TBC1D5: variants seen among roughly 807,000 people sequenced by gnomAD.
The protein encoded by TBC1D5 is TBC1 domain family, member 5.
In TBC1D5, 75 loss-of-function variants were observed where a neutral mutation model predicts 100.3. That is an observed-to-expected ratio of 0.75 (90% confidence interval 0.62 to 0.91). The LOEUF (loss-of-function observed/expected upper bound fraction) is 0.91, where lower values mean the gene tolerates loss of function less well. TBC1D5 is among the 40% of genes least tolerant of loss of function. The pLI is 0.00. For missense variants in TBC1D5, 910 were observed against 942.4 expected, an observed-to-expected ratio of 0.97 and a Z score of 0.45; for synonymous variants, 323 against 325.6, an observed-to-expected ratio of 0.99 and a Z score of 0.09.
intron 1 of TBC1D5, among the ~76,000 whole-genome samples, chr3:17,693,204 G>A (rs1280456262): frequency 1.3e-5 from 2 of 152,240 alleles, no homozygotes. Flanking sequence ...TCCAACTGAG[G>A]TACCTGGTTC....
intron 2 of TBC1D5, among the ~76,000 whole-genome samples, chr3:17,543,450 T>C (rs1375700921): frequency 6.6e-6 from 1 of 151,892 alleles, no homozygotes; most frequent in Non-Finnish European, 1.5e-5. Flanking sequence ...CTGGGTAACA[T>C]GGTGAGATCC....
At chr3:17,413,266 T>C (rs2093984611) in intron 4 of TBC1D5, among the ~76,000 whole-genome samples, 1 of 152,186 alleles carries the variant, frequency 6.6e-6, no homozygotes, top group Admixed American at 6.6e-5. Context: ...AGCACCATGC[T>C]GAGAAGGACT....
intron 2 of TBC1D5, among the ~76,000 whole-genome samples, chr3:17,528,791 T>A (rs1371957786): frequency 6.6e-6 from 1 of 152,200 alleles, no homozygotes; most frequent in Non-Finnish European, 1.5e-5. Flanking sequence ...TCCATTTTGA[T>A]AACAAAACAA....
At chr3:17,496,446 A>G (rs1576359616) in intron 3 of TBC1D5, among the ~76,000 whole-genome samples, 1 of 152,002 alleles carries the variant, frequency 6.6e-6, no homozygotes, top group African/African-American at 2.4e-5. Flanking sequence ...ATATACATAC[A>G]TGCACACACA....
chr3:17,452,010 C>A (rs2094939305), intron 3 of TBC1D5, among the ~76,000 whole-genome samples: 1 of 151,940 alleles, frequency 6.6e-6, no homozygotes, highest in East Asian at 1.9e-4. Context: ...CAATCAAACT[C>A]CAAAGGGTCA....
At chr3:17,722,613 CAG>C (rs1175506955) in intron 1 of TBC1D5, among the ~76,000 whole-genome samples, 1 of 152,236 alleles carries the variant, frequency 6.6e-6, no homozygotes, top group Non-Finnish European at 1.5e-5. Context: ...GGAACCCACT[CAG>C]AGTCATACAC....
intron 19 of TBC1D5, among the ~76,000 whole-genome samples, chr3:17,180,928 A>G (rs952979779): frequency 2.0e-5 from 3 of 151,948 alleles, no homozygotes; most frequent in Non-Finnish European, 4.4e-5. Flanking sequence ...AAAAAAAAAA[A>G]AAAAAAGAAA....
intron 1 of TBC1D5, among the ~76,000 whole-genome samples, chr3:17,737,107 A>G (rs1003458795): frequency 5.9e-5 from 9 of 152,174 alleles, no homozygotes; most frequent in African/African-American, 2.2e-4. Context: ...AACAGAATGC[A>G]TACCTCTGCA....
intron 1 of TBC1D5, among the ~76,000 whole-genome samples, chr3:17,698,545 G>A (rs2072548138): frequency 1.3e-5 from 2 of 151,162 alleles, no homozygotes; most frequent in African/African-American, 4.9e-5. Context: ...TGACAAATGG[G>A]ATCTAATTAA....
At chr3:17,178,885 T>A (rs1247929275) in intron 19 of TBC1D5, among the ~76,000 whole-genome samples, 2 of 152,108 alleles carry the variant, frequency 1.3e-5, no homozygotes, top group African/African-American at 4.8e-5. Context: ...GCTTAAGCAA[T>A]CCTCCTGCTT....
intron 14 of TBC1D5, 29 bp downstream of exon 14, chr3:17,307,963 C>A: frequency 6.3e-7 from 1 of 1,582,618 alleles, no homozygotes; most frequent in South Asian, 1.2e-5. Flanking sequence ...AGTACCTAGT[C>A]AAATGTAGGA....
intron 13 of TBC1D5, among the ~76,000 whole-genome samples, chr3:17,362,409 T>G (rs181388613): frequency 2.0e-5 from 3 of 152,028 alleles, no homozygotes; most frequent in Non-Finnish European, 4.4e-5. Flanking sequence ...AATAAAGAAC[T>G]GTCAAAACTT....
chr3:17,210,070 G>A (rs539182356), intron 18 of TBC1D5, among the ~76,000 whole-genome samples: 30 of 152,096 alleles, frequency 2.0e-4, no homozygotes, highest in Admixed American at 3.3e-4. Context: ...GATTCCCAGG[G>A]TACATGAGAA....
At chr3:17,576,809 A>G (rs1303768274) in intron 2 of TBC1D5, among the ~76,000 whole-genome samples, 3 of 152,018 alleles carry the variant, frequency 2.0e-5, no homozygotes, top group Non-Finnish European at 2.9e-5. Context: ...CAGGCATTCC[A>G]AAAGTACTTT....
intron 3 of TBC1D5, among the ~76,000 whole-genome samples, chr3:17,467,918 A>G (rs181092232): frequency 7.9e-5 from 12 of 152,114 alleles, no homozygotes; most frequent in South Asian, 2.1e-4. Flanking sequence ...CCTTCCCCCA[A>G]ATATCTTCAT....
intron 2 of TBC1D5, among the ~76,000 whole-genome samples, chr3:17,619,397 A>G (rs1382470407): frequency 1.3e-5 from 2 of 152,252 alleles, no homozygotes; most frequent in African/African-American, 4.8e-5. Flanking sequence ...TAATGAAAAC[A>G]GTGTAGGACT....
intron 2 of TBC1D5, among the ~76,000 whole-genome samples, chr3:17,569,550 A>C (rs1576762477): frequency 1.3e-5 from 2 of 151,832 alleles, no homozygotes; most frequent in East Asian, 3.9e-4. Flanking sequence ...ATTTACATAA[A>C]TATAAAAAGT....
At chr3:17,185,631 C>T (rs2068947882) in intron 18 of TBC1D5, among the ~76,000 whole-genome samples, 1 of 151,732 alleles carries the variant, frequency 6.6e-6, no homozygotes, top group South Asian at 2.1e-4. Context: ...TTTTTTCACA[C>T]ATTTGAGAAA....
chr3:17,482,264 T>G (rs1030396509), intron 3 of TBC1D5, among the ~76,000 whole-genome samples: 1 of 152,184 alleles, frequency 6.6e-6, no homozygotes, highest in South Asian at 2.1e-4. Context: ...GACAAAAAAC[T>G]TCTTAAAGTC....
Sources: allele counts gnomAD v4.1 joint callset (sites outside exome capture counted in the v4.1 genomes callset), GRCh38; gene constraint gnomAD v4.1.1; transcripts MANE v1.5; gene names NCBI Gene and HGNC (gene_info 2026-07-23, HGNC 2026-07-21).